The following PCCA variants were observed in gnomAD, a reference collection of about 807,000 sequenced individuals.
PCCA encodes propionyl-CoA carboxylase subunit alpha.
PCCA carries 74 observed loss-of-function variants against 101.3 expected under a neutral mutation model. That is an observed-to-expected ratio of 0.73 (90% confidence interval 0.61 to 0.89). The LOEUF is 0.89. Among genes scored for constraint, PCCA ranks in the 40% least tolerant of loss-of-function variants. The probability of loss-of-function intolerance (pLI) is 0.00; values close to 1 mark genes in which losing one functional copy is unlikely to be tolerated. For missense variants in PCCA, 891 were observed against 907.0 expected (o/e 0.98, Z 0.23); for synonymous variants, 294 against 313.6 (o/e 0.94, Z 0.66).
intron 16 of PCCA, among the ~76,000 whole-genome samples, chr13:100,325,898 A>G (rs996251585): frequency 6.6e-6 from 1 of 152,120 alleles, no homozygotes; most frequent in Non-Finnish European, 1.5e-5. Flanking sequence ...TGTGTTTAAC[A>G]TCGAAGGTGT....
rs531524394 is a variant in PCCA at position 100,423,978 on chromosome 13, C to T, written c.1747-1655C>T. Among the ~76,000 whole-genome samples, 177 of 152,324 alleles carry T rather than the reference C, an allele frequency of 1.2e-3. 1 individual carries two copies. In the East Asian group the frequency reaches 0.017, roughly 14 times the overall value. On this transcript the variant is annotated intron_variant, in intron 19 of 23. Coordinates refer to ENST00000376285, the MANE Select transcript of PCCA (RefSeq NM_000282.4). ...TTTGAAAGCCTTGAGGAGGCTTCTC[C>T]TGTCCTTAGACCTACTACAGTCGGC...
chr13:100,475,400 A>G (rs2083341413), intron 21 of PCCA, among the ~76,000 whole-genome samples: 2 of 152,172 alleles, frequency 1.3e-5, no homozygotes, highest in Non-Finnish European at 2.9e-5. Context: ...GACATTTCTT[A>G]GGAAAGGAAT....
chr13:100,094,998 G>A (rs1315836195), intron 1 of PCCA, among the ~76,000 whole-genome samples: 1 of 152,198 alleles, frequency 6.6e-6, no homozygotes, highest in East Asian at 1.9e-4. Context: ...CAGTACTAAA[G>A]GCCTGAAGTC....
intron 6 of PCCA, among the ~76,000 whole-genome samples, chr13:100,193,881 C>G (rs952244759): frequency 2.6e-5 from 4 of 152,074 alleles, no homozygotes; most frequent in African/African-American, 9.7e-5. Flanking sequence ...AGATAGAGAC[C>G]ATCCTGGCTA....
intron 4 of PCCA, among the ~76,000 whole-genome samples, chr13:100,135,905 TG>T (rs1452220511): frequency 2.6e-5 from 4 of 152,156 alleles, no homozygotes; most frequent in African/African-American, 4.8e-5. Flanking sequence ...TATGATCATG[TG>T]GGGTTTTTTT....
intron 19 of PCCA, among the ~76,000 whole-genome samples, chr13:100,404,091 G>A (rs928686660): frequency 2.0e-5 from 3 of 152,226 alleles, no homozygotes; most frequent in South Asian, 2.1e-4. Context: ...AGAAGGGGCC[G>A]TTGTCAGAGT....
Position 100,332,612 on chromosome 13 carries a change from A to G in PCCA, c.1540+1941A>G, listed in dbSNP as rs1444881543. 3.3e-5 allele frequency among the ~76,000 whole-genome samples: 5 copies of G among 152,212 alleles called. No homozygotes were observed. In the South Asian group the frequency reaches 6.2e-4, roughly 19 times the overall value. ...AGAAAATGGGGCATTTAAATTTTCT[A>G]ATCAGAGTTGATTAGTATGTGCTGG... is the stretch of plus-strand genomic sequence containing the variant. On this transcript the variant is annotated intron_variant, in intron 17 of 23. Coordinates refer to ENST00000376285, the MANE Select transcript of PCCA (RefSeq NM_000282.4).
intron 7 of PCCA, among the ~76,000 whole-genome samples, chr13:100,219,116 AATT>A (rs930779862): frequency 2.0e-5 from 3 of 152,080 alleles, no homozygotes; most frequent in Non-Finnish European, 1.5e-5. Context: ...TGTATGATGA[AATT>A]ATTATTATTA....
At chr13:100,472,061 A>G (rs1013486952) in intron 21 of PCCA, among the ~76,000 whole-genome samples, 5 of 151,822 alleles carry the variant, frequency 3.3e-5, no homozygotes. Context: ...TTCTCCCTTC[A>G]CAGTGGAATA....
At chr13:100,111,432 A>G (rs2152277547) in intron 2 of PCCA, among the ~76,000 whole-genome samples, 1 of 152,094 alleles carries the variant, frequency 6.6e-6, no homozygotes, top group Non-Finnish European at 1.5e-5. Context: ...AAGTGCTGGG[A>G]TTACAGGCGT....
At chr13:100,225,241 T>C (rs2060083884) in intron 7 of PCCA, among the ~76,000 whole-genome samples, 1 of 152,348 alleles carries the variant, frequency 6.6e-6, no homozygotes, top group African/African-American at 2.4e-5. Flanking sequence ...GATTATGTGA[T>C]CTGTTCAATG....
intron 21 of PCCA, among the ~76,000 whole-genome samples, chr13:100,484,124 A>G (rs949156036): frequency 3.3e-5 from 5 of 152,148 alleles, no homozygotes; most frequent in African/African-American, 1.2e-4. Flanking sequence ...AAAGAACCTC[A>G]CTACAAGAAA....
At chr13:100,460,992 A>G (rs550585884) in intron 21 of PCCA, among the ~76,000 whole-genome samples, 21 of 152,310 alleles carry the variant, frequency 1.4e-4, no homozygotes, top group South Asian at 4.1e-4. Flanking sequence ...AGTTTCAGCA[A>G]TTGTTCCCTT....
chr13:100,393,668 C>T (rs565197190), intron 19 of PCCA, among the ~76,000 whole-genome samples: 68 of 152,174 alleles, frequency 4.5e-4, no homozygotes, highest in Admixed American at 2.2e-3. Flanking sequence ...CTGTACACCT[C>T]GGGCTCCCAA....
chr13:100,499,658 T>G (rs1348403310), intron 21 of PCCA, among the ~76,000 whole-genome samples: 6 of 152,270 alleles, frequency 3.9e-5, no homozygotes. Context: ...TGCTGCATGC[T>G]GCATCCGTAC....
chr13:100,152,839 G>A (rs942677884), intron 4 of PCCA, among the ~76,000 whole-genome samples: 5 of 151,958 alleles, frequency 3.3e-5, no homozygotes, highest in Admixed American at 6.6e-5. Context: ...TTATATATGC[G>A]GTATCATTAC....
At chr13:100,395,335 A>C (rs2076994604) in intron 19 of PCCA, among the ~76,000 whole-genome samples, 1 of 152,202 alleles carries the variant, frequency 6.6e-6, no homozygotes, top group Non-Finnish European at 1.5e-5. Flanking sequence ...TTTCCATCTT[A>C]TTCACCAGAC....
chr13:100,479,250 G>A (rs1257359539), intron 21 of PCCA, among the ~76,000 whole-genome samples: 1 of 152,216 alleles, frequency 6.6e-6, no homozygotes, highest in Admixed American at 6.5e-5. Context: ...GCCTAATCTT[G>A]TAATGAGGGA....
intron 4 of PCCA, among the ~76,000 whole-genome samples, chr13:100,138,785 A>G (rs1397106486): frequency 6.6e-6 from 1 of 152,014 alleles, no homozygotes; most frequent in African/African-American, 2.4e-5. Context: ...CTACAAAAAA[A>G]TTAGCCAGGC....
Sources: gnomAD v4.1 joint callset for allele counts (sites outside exome capture counted in the v4.1 genomes callset) on GRCh38, gnomAD v4.1.1 for gene constraint, MANE v1.5 for transcripts, NCBI Gene and HGNC (gene_info 2026-07-23, HGNC 2026-07-21) for gene names.